TMEM164: variants seen among roughly 807,000 people sequenced by gnomAD.
The protein encoded by TMEM164 is RP13-360B22.2.
TMEM164 carries 4 observed loss-of-function variants against 18.8 expected under a neutral mutation model. That is an observed-to-expected ratio of 0.21 (90% CI 0.10 to 0.49). The LOEUF is 0.49. Among genes scored for constraint, TMEM164 ranks in the 20% least tolerant of loss-of-function variants. The pLI is 0.98. For missense variants in TMEM164, 108 were observed against 239.9 expected (o/e 0.45, Z 3.63); for synonymous variants, 86 against 101.7 (o/e 0.85, Z 0.93).
chrX:110,068,012 C>A (rs1312508753), intron 3 of TMEM164, among the ~76,000 whole-genome samples: 1 of 112,658 alleles, frequency 8.9e-6, no homozygotes, highest in East Asian at 2.8e-4. Flanking sequence ...CCTCACTTAT[C>A]AAACCTTTTA....
At chrX:110,036,302 T>C (rs959845133) in intron 2 of TMEM164, among the ~76,000 whole-genome samples, 2 of 112,032 alleles carry the variant, frequency 1.8e-5, no homozygotes, top group African/African-American at 6.5e-5. Context: ...TCTGTATTCA[T>C]GTACCTGTCT....
intron 5 of TMEM164, among the ~76,000 whole-genome samples, chrX:110,167,957 G>A (rs1001379728): frequency 2.7e-5 from 3 of 112,236 alleles, no homozygotes; most frequent in Non-Finnish European, 3.8e-5. Context: ...GACGGGAGGA[G>A]CATGATAACA....
chrX:110,146,758 T>TG (rs1048995648), intron 5 of TMEM164, among the ~76,000 whole-genome samples: 4 of 111,710 alleles, frequency 3.6e-5, no homozygotes, highest in Admixed American at 2.8e-4. Flanking sequence ...GCTGTTCACT[T>TG]GGGGGGAATT....
chrX:110,181,023 T>C (rs944073421), downstream of TMEM164, among the ~76,000 whole-genome samples: 2 of 111,511 alleles, frequency 1.8e-5, no homozygotes, highest in East Asian at 2.8e-4. Flanking sequence ...TTCCAAGACA[T>C]ACACTCAGAT....
intron 3 of TMEM164, among the ~76,000 whole-genome samples, chrX:110,101,766 A>G (rs1371003427): frequency 9.3e-6 from 1 of 108,052 alleles, no homozygotes; most frequent in African/African-American, 3.4e-5. Flanking sequence ...TTTTTTTTGT[A>G]GAGACAAGGT....
At chrX:110,058,778 A>G (rs1478191501) in intron 2 of TMEM164, among the ~76,000 whole-genome samples, 4 of 104,189 alleles carry the variant, frequency 3.8e-5, no homozygotes, top group African/African-American at 1.0e-4. Context: ...ATGTGCCACA[A>G]CGCCTGGCTA....
chrX:110,120,090 T>C (rs904577407), intron 4 of TMEM164, among the ~76,000 whole-genome samples: 7 of 112,018 alleles, frequency 6.2e-5, no homozygotes, highest in South Asian at 7.4e-4. Context: ...CCTTTTTGGG[T>C]TTTCAAATAA....
intron 5 of TMEM164, among the ~76,000 whole-genome samples, chrX:110,168,233 G>T (rs1336241798): frequency 8.8e-6 from 1 of 113,109 alleles, no homozygotes; most frequent in African/African-American, 3.2e-5. Context: ...ACGGTGCCCA[G>T]TCCACACTCA....
intron 3 of TMEM164, among the ~76,000 whole-genome samples, chrX:110,100,831 C>T (rs748327582): frequency 4.5e-5 from 5 of 110,831 alleles, no homozygotes; most frequent in Non-Finnish European, 9.5e-5. Flanking sequence ...CCTCGTGATC[C>T]GCCCACCTCA....
chrX:110,142,370 C>T (rs1194772926), intron 4 of TMEM164, among the ~76,000 whole-genome samples: 6 of 112,064 alleles, frequency 5.4e-5, no homozygotes, highest in African/African-American at 1.9e-4. Context: ...TCCTGTCAGT[C>T]GGCCTTCTGT....
intron 5 of TMEM164, among the ~76,000 whole-genome samples, chrX:110,158,287 T>C (rs752543016): frequency 8.9e-6 from 1 of 111,753 alleles, no homozygotes; most frequent in Admixed American, 9.5e-5. Flanking sequence ...GAAAGAAGAA[T>C]CCGTGGATTT....
chrX:110,004,388 C>A (rs759423030), intron 2 of TMEM164, among the ~76,000 whole-genome samples: 1 of 111,359 alleles, frequency 9.0e-6, no homozygotes, highest in Non-Finnish European at 1.9e-5. Context: ...TGCCTGAACC[C>A]TAGGAACGAC....
At chrX:110,017,394 G>A (rs1308438271) in intron 2 of TMEM164, among the ~76,000 whole-genome samples, 3 of 43,365 alleles carry the variant, frequency 6.9e-5, no homozygotes, top group Non-Finnish European at 1.6e-4. Context: ...CTGGCTGCAG[G>A]CCACCTCCTT....
In TMEM164 at chrX:110,035,616, G is replaced by A. The variant is rs369084526; in HGVS notation, c.390+31452G>A. ...CTTCCCAGGTTCAAGCAATTCTTGT[G>A]CCTCAGCCTCCCAAGTAGCTGGGAC... is the stretch of plus-strand genomic sequence containing the variant. On this transcript the variant is annotated intron_variant, in intron 2 of 6. Coordinates refer to ENST00000372068, the MANE Select transcript of TMEM164 (RefSeq NM_032227.4). Among the ~76,000 whole-genome samples the A allele has an allele frequency of 1.2e-4, 13 of 109,594 alleles. No homozygotes were observed. The East Asian group carries it at 1.4e-3, about 12-fold the overall frequency.
chrX:110,100,514 T>A (rs957259276), intron 3 of TMEM164, among the ~76,000 whole-genome samples: 3 of 111,895 alleles, frequency 2.7e-5, no homozygotes, highest in African/African-American at 9.8e-5. Flanking sequence ...ATTAATTGAA[T>A]TTCAAATATT....
rs2067290081 is a variant in TMEM164, at chrX:110,176,402, C to T, written c.*2951C>T. 1.3e-6 allele frequency: 1 copy of T among 754,971 alleles called. No homozygotes were observed. The allele number at this position is 754,971 out of a possible 1,213,427, so 62.2% of individuals were successfully genotyped here. A position where few individuals can be genotyped will look rare whatever the true frequency, so the allele number is the denominator to read the frequency against. Reference sequence around the variant, plus strand: ...ATGTTCCTCTGTCAGCCTGTGAAGGCATGCAGGGTTCTGAAGCCACAGACT... The same window carrying T: ...ATGTTCCTCTGTCAGCCTGTGAAGGTATGCAGGGTTCTGAAGCCACAGACT... On this transcript the variant is annotated 3_prime_UTR_variant, in exon 7 of 7. Transcript: ENST00000372068.
chrX:110,136,551 T>C (rs1240357436), intron 4 of TMEM164, among the ~76,000 whole-genome samples: 1 of 111,805 alleles, frequency 8.9e-6, no homozygotes, highest in Non-Finnish European at 1.9e-5. Flanking sequence ...GGTTCTGTCT[T>C]TGTAACTACC....
intron 2 of TMEM164, among the ~76,000 whole-genome samples, chrX:110,039,566 A>G (rs1184254191): frequency 3.6e-5 from 4 of 112,230 alleles, no homozygotes; most frequent in African/African-American, 1.3e-4. Context: ...AGCCTTTTGA[A>G]GAGTACATTC....
At chrX:110,015,582 C>T (rs865884716) in intron 2 of TMEM164, among the ~76,000 whole-genome samples, 2 of 104,655 alleles carry the variant, frequency 1.9e-5, no homozygotes, top group East Asian at 2.9e-4. Context: ...TGTGTGTGTG[C>T]GCGCCTGTCA....
Sources: allele counts gnomAD v4.1 joint callset (sites outside exome capture counted in the v4.1 genomes callset), GRCh38; gene constraint gnomAD v4.1.1; transcripts MANE v1.5; gene names NCBI Gene and HGNC (gene_info 2026-07-23, HGNC 2026-07-21).